The following SYN3 variants were observed in gnomAD, a reference collection of about 807,000 sequenced individuals.
SYN3 encodes synapsin III.
Under a neutral mutation model 65.8 loss-of-function variants are expected in SYN3, and 35 were observed. The observed-to-expected ratio is 0.53, with a 90% CI of 0.41 to 0.70. The LOEUF (loss-of-function observed/expected upper bound fraction) is 0.70. Ranked by LOEUF, SYN3 falls within the 30% of genes least tolerant of loss-of-function variation. The probability of loss-of-function intolerance (pLI) is 0.00; values close to 1 mark genes in which losing one functional copy is unlikely to be tolerated. For synonymous variants in SYN3, 270 were observed against 292.9 expected, an observed-to-expected ratio of 0.92 and a Z score of 0.80; for missense variants, 680 against 749.0, an observed-to-expected ratio of 0.91 and a Z score of 1.08.
chr22:32,567,238 G>A (rs778298040), intron 7 of SYN3, among the ~76,000 whole-genome samples: 4 of 152,132 alleles, frequency 2.6e-5, no homozygotes, highest in Non-Finnish European at 5.9e-5. Flanking sequence ...AGCAGTGTCA[G>A]TTTAGGAAAG....
intron 7 of SYN3, among the ~76,000 whole-genome samples, chr22:32,578,538 C>T (rs1281932097): frequency 6.6e-6 from 1 of 152,214 alleles, no homozygotes; most frequent in Non-Finnish European, 1.5e-5. Flanking sequence ...GCATGAGCCA[C>T]TGACCCTAGT....
intron 3 of SYN3, among the ~76,000 whole-genome samples, chr22:32,937,632 C>T (rs772445157): frequency 2.6e-5 from 4 of 152,104 alleles, no homozygotes; most frequent in African/African-American, 4.8e-5. Flanking sequence ...GACAGCAAGG[C>T]GGATGGTGCT....
chr22:32,933,942 C>A (rs1355970160), intron 3 of SYN3, among the ~76,000 whole-genome samples: 2 of 152,192 alleles, frequency 1.3e-5, no homozygotes, highest in East Asian at 3.9e-4. Flanking sequence ...AAAGACCCAG[C>A]CATCTCCCCA....
At chr22:32,606,518 A>G (rs2059374451) in intron 6 of SYN3, among the ~76,000 whole-genome samples, 1 of 152,226 alleles carries the variant, frequency 6.6e-6, no homozygotes, top group African/African-American at 2.4e-5. Flanking sequence ...CAAATCTACC[A>G]AATGCCATTT....
chr22:32,540,864 A>C (rs987231398), intron 8 of SYN3, among the ~76,000 whole-genome samples: 1 of 152,234 alleles, frequency 6.6e-6, no homozygotes, highest in African/African-American at 2.4e-5. Flanking sequence ...TTAAGCCTTG[A>C]AAATGACTAG....
intron 6 of SYN3, among the ~76,000 whole-genome samples, chr22:32,637,551 G>C (rs2059833057): frequency 6.6e-6 from 1 of 151,868 alleles, no homozygotes; most frequent in South Asian, 2.1e-4. Flanking sequence ...CATGATGCTG[G>C]GATGTTGGGA....
intron 6 of SYN3, among the ~76,000 whole-genome samples, chr22:32,671,811 G>A (rs956878049): frequency 2.6e-4 from 39 of 148,284 alleles, no homozygotes; most frequent in Admixed American, 2.3e-3. Context: ...ACACACACAC[G>A]CTGTGACACA....
intron 3 of SYN3, among the ~76,000 whole-genome samples, chr22:32,949,506 A>G (rs541728789): frequency 9.9e-5 from 15 of 152,202 alleles, no homozygotes; most frequent in African/African-American, 2.9e-4. Context: ...GTTTGTAATT[A>G]AACTCGTGTC....
At chr22:33,047,777 T>TGA (rs1469249283) in intron 1 of SYN3, among the ~76,000 whole-genome samples, 1 of 150,598 alleles carries the variant, frequency 6.6e-6, no homozygotes, top group African/African-American at 2.4e-5. Context: ...ACAGAACACC[T>TGA]GCTCTACAGG....
At chr22:32,973,001 C>A (rs1045694408) in intron 3 of SYN3, among the ~76,000 whole-genome samples, 5 of 151,988 alleles carry the variant, frequency 3.3e-5, no homozygotes, top group Non-Finnish European at 5.9e-5. Context: ...AGAGGGGGAC[C>A]CTGTCTCAAA....
At chr22:32,665,765 G>A (rs2060281806) in intron 6 of SYN3, among the ~76,000 whole-genome samples, 1 of 151,990 alleles carries the variant, frequency 6.6e-6, no homozygotes, top group Non-Finnish European at 1.5e-5. Flanking sequence ...TCAGCTCTCA[G>A]ACCTTTTCTC....
intron 7 of SYN3, among the ~76,000 whole-genome samples, chr22:32,592,691 A>G (rs979464488): frequency 1.3e-5 from 2 of 152,142 alleles, no homozygotes; most frequent in African/African-American, 4.8e-5. Flanking sequence ...TTTCTAAATC[A>G]AGCCTCAATT....
At chr22:33,035,006 G>A (rs528258051) in intron 1 of SYN3, among the ~76,000 whole-genome samples, 25 of 152,194 alleles carry the variant, frequency 1.6e-4, no homozygotes, top group Non-Finnish European at 3.1e-4. Context: ...CTGGTCACTG[G>A]CTCAGAAAAT....
At chr22:32,676,864 G>A (rs985545916) in intron 6 of SYN3, among the ~76,000 whole-genome samples, 12 of 152,008 alleles carry the variant, frequency 7.9e-5, no homozygotes, top group Non-Finnish European at 4.4e-5. Flanking sequence ...TTTTCAAATG[G>A]CACCCACGTG....
intron 13 of SYN3, among the ~76,000 whole-genome samples, chr22:32,516,105 T>TATTA (rs1032986824): frequency 7.2e-4 from 109 of 152,178 alleles, no homozygotes; most frequent in Admixed American, 2.0e-3. Context: ...GCCCAGGATT[T>TATTA]ATTATTAAAC....
chr22:32,778,655 G>C (rs1482894843), intron 6 of SYN3, among the ~76,000 whole-genome samples: 1 of 152,026 alleles, frequency 6.6e-6, no homozygotes, highest in Non-Finnish European at 1.5e-5. Context: ...ATTCCCATGG[G>C]AGCCAGTATC....
chr22:32,647,859 G>A (rs1167100091), intron 6 of SYN3, among the ~76,000 whole-genome samples: 3 of 151,856 alleles, frequency 2.0e-5, no homozygotes, highest in Non-Finnish European at 2.9e-5. Flanking sequence ...CGCCCACCTC[G>A]GCCTCCCAAA....
At chr22:32,779,389 G>A (rs1211727499) in intron 6 of SYN3, among the ~76,000 whole-genome samples, 1 of 152,216 alleles carries the variant, frequency 6.6e-6, no homozygotes, top group African/African-American at 2.4e-5. Context: ...GAACCTGGGA[G>A]GCGGAGGTTG....
chr22:32,678,173 G>T (rs1328158652), intron 6 of SYN3, among the ~76,000 whole-genome samples: 1 of 152,164 alleles, frequency 6.6e-6, no homozygotes, highest in Non-Finnish European at 1.5e-5. Context: ...GGGATTGGGT[G>T]TTGTAATGGT....
Sources: allele counts gnomAD v4.1 joint callset (sites outside exome capture counted in the v4.1 genomes callset), GRCh38; gene constraint gnomAD v4.1.1; transcripts MANE v1.5; gene names NCBI Gene and HGNC (gene_info 2026-07-23, HGNC 2026-07-21).